The following BICD1 variants were observed in gnomAD, a reference collection of about 807,000 sequenced individuals.
The protein encoded by BICD1 is BICD cargo adaptor 1.
A neutral mutation model predicts 92.5 loss-of-function variants in BICD1; 35 were observed. The observed-to-expected ratio is 0.38, with a 90% CI of 0.29 to 0.50. The LOEUF is 0.50. Ranked by LOEUF, BICD1 falls within the 20% of genes least tolerant of loss-of-function variation. BICD1 has a pLI of 0.93. For synonymous variants in BICD1, 429 were observed against 465.1 expected (o/e 0.92, Z 1.00); for missense variants, 950 against 1,189.8 (o/e 0.80, Z 2.97).
chr12:32,302,881 T>C (rs951277587), intron 3 of BICD1, among the ~76,000 whole-genome samples: 2 of 12,870 alleles, frequency 1.6e-4, no homozygotes, highest in African/African-American at 2.1e-4. Context: ...CCAATGACCA[T>C]TTTTTTTTTT....
At chr12:32,270,052 C>T (rs1195624230) in intron 2 of BICD1, among the ~76,000 whole-genome samples, 2 of 149,902 alleles carry the variant, frequency 1.3e-5, no homozygotes, top group Non-Finnish European at 3.0e-5. Flanking sequence ...ACCCAGGAGG[C>T]GGATGTTGCA....
At chr12:32,171,955 ACACACACACACACAC>A (rs1943955101) in intron 1 of BICD1, among the ~76,000 whole-genome samples, 1 of 49,046 alleles carries the variant, frequency 2.0e-5, no homozygotes, top group Non-Finnish European at 5.0e-5. Flanking sequence ...ACACACACAC[ACACACACACACACAC>A]ACACACACAC....
intron 8 of BICD1, among the ~76,000 whole-genome samples, chr12:32,366,099 T>G (rs550853015): frequency 1.3e-5 from 2 of 152,354 alleles, no homozygotes; most frequent in African/African-American, 2.4e-5. Flanking sequence ...TGCCTTATAT[T>G]GTATTCTACT....
intron 2 of BICD1, among the ~76,000 whole-genome samples, chr12:32,275,453 C>T (rs1264915978): frequency 1.3e-5 from 2 of 152,112 alleles, no homozygotes; most frequent in African/African-American, 4.8e-5. Context: ...ATCTCCTCAT[C>T]CTAACTTGTT....
At chr12:32,176,182 C>T (rs1166027620) in intron 1 of BICD1, among the ~76,000 whole-genome samples, 1 of 152,134 alleles carries the variant, frequency 6.6e-6, no homozygotes, top group Non-Finnish European at 1.5e-5. Flanking sequence ...AGTAATGCTC[C>T]AGTGAACTTC....
intron 8 of BICD1, among the ~76,000 whole-genome samples, chr12:32,354,801 G>A (rs929710799): frequency 6.6e-6 from 1 of 151,992 alleles, no homozygotes; most frequent in Non-Finnish European, 1.5e-5. Context: ...TATTTTCCTA[G>A]CTACTGTTAA....
At chr12:32,377,056 C>T (rs553984101) in intron 9 of BICD1, among the ~76,000 whole-genome samples, 1 of 152,156 alleles carries the variant, frequency 6.6e-6, no homozygotes, top group Non-Finnish European at 1.5e-5. Flanking sequence ...TCAGTACCAT[C>T]AGCATCACTG....
rs372956491 is a variant in BICD1 at position 32,326,080 on chromosome 12, C to CAAA, written c.1006-1362_1006-1360dup. Among the ~76,000 whole-genome samples the CAAA allele has an allele frequency of 2.3e-3, 152 of 66,276 alleles. 3 individuals are homozygous for CAAA. The highest frequency in any genetic ancestry group is 7.2e-3 in the African/African-American group (115 of 15,974). 43.5% of individuals were successfully genotyped at this position (66,276 alleles called of 152,430 possible). The stretch of plus-strand genomic sequence containing the variant: ...CCTGGGAGAGAGTGAGACTCCATCT[C>CAAA]AAAAAAAAAAAAAAAAAAAAAGAAA... On this transcript the variant is annotated intron_variant, in intron 4 of 9. Coordinates refer to ENST00000652176, the MANE Select transcript of BICD1 (RefSeq NM_001714.4).
intron 2 of BICD1, among the ~76,000 whole-genome samples, chr12:32,239,520 C>G (rs1301604083): frequency 6.7e-6 from 1 of 148,270 alleles, no homozygotes; most frequent in African/African-American, 2.5e-5. Flanking sequence ...GAGCCGAGAG[C>G]GCACCATTGC....
intron 2 of BICD1, chr12:32,227,287 T>C (rs1945729659): frequency 6.6e-6 from 1 of 152,270 alleles, no homozygotes; most frequent in South Asian, 2.1e-4. Context: ...ACAGTCAGAT[T>C]TGGAGGAGGA....
intron 1 of BICD1, among the ~76,000 whole-genome samples, chr12:32,115,387 G>GTT (rs4035442): frequency 6.3e-5 from 9 of 142,416 alleles, no homozygotes; most frequent in African/African-American, 2.1e-4. Flanking sequence ...GGTGTTTTTG[G>GTT]TTTTTTTTTT....
At chr12:32,131,160 T>C (rs1443548565) in intron 1 of BICD1, among the ~76,000 whole-genome samples, 2 of 152,184 alleles carry the variant, frequency 1.3e-5, no homozygotes, top group Non-Finnish European at 2.9e-5. Context: ...AATAAAATCA[T>C]ATTTTAAAGT....
At chr12:32,358,400 C>G (rs1252222053) in intron 8 of BICD1, among the ~76,000 whole-genome samples, 1 of 151,200 alleles carries the variant, frequency 6.6e-6, no homozygotes, top group East Asian at 2.0e-4. Context: ...TGCGCCTGGA[C>G]TCACTTGAGT....
intron 1 of BICD1, among the ~76,000 whole-genome samples, chr12:32,172,212 G>C (rs1443410372): frequency 6.6e-6 from 1 of 152,186 alleles, no homozygotes; most frequent in African/African-American, 2.4e-5. Flanking sequence ...GATATAGGTT[G>C]TGGTTAACTG....
intron 1 of BICD1, among the ~76,000 whole-genome samples, chr12:32,151,295 C>T (rs752510767): frequency 6.6e-6 from 1 of 152,218 alleles, no homozygotes; most frequent in African/African-American, 2.4e-5. Context: ...TAGACAGTCA[C>T]TTTCCTTCTT....
chr12:32,367,570 T>G, intron 8 of BICD1, 100 bp from the exon 9 acceptor site: 1 of 1,092,536 alleles, frequency 9.2e-7, no homozygotes, highest in Non-Finnish European at 1.4e-6. Flanking sequence ...TGAATGCACA[T>G]TCCTCACTAA....
chr12:32,119,476 GT>G (rs1408346866), intron 1 of BICD1, among the ~76,000 whole-genome samples: 1 of 152,228 alleles, frequency 6.6e-6, no homozygotes, highest in Non-Finnish European at 1.5e-5. Context: ...GCTTCAGCAT[GT>G]GAATCCCACT....
At chr12:32,153,004 A>G (rs1316647114) in intron 1 of BICD1, among the ~76,000 whole-genome samples, 1 of 152,112 alleles carries the variant, frequency 6.6e-6, no homozygotes, top group African/African-American at 2.4e-5. Context: ...TTTGGGTATG[A>G]ATGGTCCCAT....
At chr12:32,341,463 C>CAAA (rs36000130) in intron 8 of BICD1, among the ~76,000 whole-genome samples, 8 of 121,714 alleles carry the variant, frequency 6.6e-5, no homozygotes, top group Admixed American at 8.7e-5. Flanking sequence ...GACACTGTCT[C>CAAA]AAAAAAAAAA....
Sources: allele counts gnomAD v4.1 joint callset (sites outside exome capture counted in the v4.1 genomes callset), GRCh38; gene constraint gnomAD v4.1.1; transcripts MANE v1.5; gene names NCBI Gene and HGNC (gene_info 2026-07-23, HGNC 2026-07-21).